TTBK1: variants seen among roughly 807,000 people sequenced by gnomAD.
TTBK1 encodes tau tubulin kinase 1, also known as tau-tubulin kinase 1.
A neutral mutation model predicts 108.5 loss-of-function variants in TTBK1; 34 were observed. That is an observed-to-expected ratio of 0.31 (90% confidence interval 0.24 to 0.42). The LOEUF (loss-of-function observed/expected upper bound fraction) is 0.42, where lower values mean the gene tolerates loss of function less well. TTBK1 is among the 10% of genes least tolerant of loss of function. TTBK1 has a pLI of 1.00. For synonymous variants in TTBK1, 809 were observed against 795.1 expected (o/e 1.02, Z -0.29); for missense variants, 1,539 against 1,826.0 (o/e 0.84, Z 2.86).
At chr6:43,261,738 C>CT (rs1381163503) in intron 12 of TTBK1, among the ~76,000 whole-genome samples, 1 of 148,138 alleles carries the variant, frequency 6.8e-6, no homozygotes, top group African/African-American at 2.5e-5. Context: ...TAGCTTGAAC[C>CT]TGGGGGGTGG....
At position 43,252,440 on chromosome 6, in the gene TTBK1, A is replaced by G. The variant is rs1373160903; in HGVS notation, c.109-299A>G. Among the ~76,000 whole-genome samples, 12 of 152,042 alleles carry G rather than the reference A, an allele frequency of 7.9e-5. No individual in the cohort carries two copies. In the South Asian group the frequency reaches 2.5e-3, roughly 32 times the overall value. ...CAGGAGTTTGAGACCAGCCTGGCCAACATGGTGAAACCCTGTCTCTACTAA... is the reference window on the plus strand; with the variant it reads ...CAGGAGTTTGAGACCAGCCTGGCCAGCATGGTGAAACCCTGTCTCTACTAA... On this transcript the variant is annotated intron_variant, in intron 2 of 14. Transcript: ENST00000259750.
chr6:43,255,896 C>T (rs775626073), intron 9 of TTBK1, 40 bp downstream of exon 9: 1 of 1,612,698 alleles, frequency 6.2e-7, no homozygotes, highest in Non-Finnish European at 8.5e-7. Context: ...CTCGACACCA[C>T]TCTGTGAGTG....
chr6:43,249,553 A>AT (rs1489776493), intron 2 of TTBK1, among the ~76,000 whole-genome samples: 1 of 151,464 alleles, frequency 6.6e-6, no homozygotes. Context: ...CTAAAGGTTC[A>AT]TTTTTTTCCC....
rs1293550428 is a variant in TTBK1 at position 43,253,374 on chromosome 6, C to A, written c.330+10C>A. 6.2e-7 allele frequency: 1 copy of A among 1,613,882 alleles called. No individual in the cohort carries two copies. Among genetic ancestry groups the A allele is most frequent in the Non-Finnish European group, 8.5e-7 (1 of 1,179,860 alleles). The stretch of plus-strand genomic sequence containing the variant: ...AGTGATGCAGCTCCAGGTGAGTCCC[C>A]GTGGCCCATCCTCGCTCCCCTCTCT... On this transcript the variant is annotated intron_variant, in intron 4 of 14. Transcript: ENST00000259750. The surrounding 1 kb of genome is among the most constrained non-coding windows in gnomAD (Gnocchi z 5.8).
chr6:43,268,867 A>C (rs1388827428), intron 13 of TTBK1, among the ~76,000 whole-genome samples: 1 of 152,200 alleles, frequency 6.6e-6, no homozygotes, highest in Non-Finnish European at 1.5e-5. Flanking sequence ...AGTGATTTAA[A>C]ATTAGATACT....
In TTBK1 at chr6:43,246,745, G is replaced by C; in HGVS notation, c.85G>C (p.Val29Leu). 1 of 1,612,034 alleles carries C rather than the reference G, an allele frequency of 6.2e-7. No individual in the cohort carries two copies. Among genetic ancestry groups the C allele is most frequent in the South Asian group, 1.1e-5 (1 of 90,836 alleles). Residue 29 changes from valine (V) to leucine (L), a missense_variant, in exon 2 of 15, where the codon GTG (valine) becomes CTG (leucine). By Grantham distance (32) the Val-to-Leu change is conservative (BLOSUM62 1). Around this residue, in one of 5 missense-constraint regions of TTBK1, gnomAD observed 45 missense variants for 38.0 expected, o/e 1.19. Transcript: ENST00000259750. Reference protein sequence around the residue: ...EQADILPANYVVKDRWKVLKK... With the variant: ...EQADILPANYLVKDRWKVLKK... Reference sequence around the variant, plus strand: ...GGCCGACATCCTGCCGGCCAACTACGTGGTCAAGGATCGCTGGAAGGTGGT... The same window carrying C: ...GGCCGACATCCTGCCGGCCAACTACCTGGTCAAGGATCGCTGGAAGGTGGT...
chr6:43,257,373 A>G lies in TTBK1; in HGVS notation c.862-439A>G, dbSNP rs1349609151. 1.3e-5 allele frequency among the ~76,000 whole-genome samples: 2 copies of G among 152,164 alleles called. No individual in the cohort carries two copies. Among genetic ancestry groups the G allele is most frequent in the Non-Finnish European group, 2.9e-5 (2 of 68,014 alleles). On this transcript the variant is annotated intron_variant, in intron 9 of 14. Coordinates refer to ENST00000259750, the MANE Select transcript of TTBK1 (RefSeq NM_032538.3). The surrounding 1 kb of genome is among the most constrained non-coding windows in gnomAD (Gnocchi z 4.5). ...GCACTGTGCCCTGTAGGGCAGCTGTATGGTGGAGAGAATTTACGGTGAAGA... is the reference window on the plus strand; with the variant it reads ...GCACTGTGCCCTGTAGGGCAGCTGTGTGGTGGAGAGAATTTACGGTGAAGA...
intron 13 of TTBK1, among the ~76,000 whole-genome samples, chr6:43,266,982 G>A (rs1389749266): frequency 1.3e-5 from 2 of 150,458 alleles, no homozygotes; most frequent in Admixed American, 6.7e-5. Flanking sequence ...CAGGATCAGA[G>A]AGAGCCTGGA....
At chr6:43,271,379 T>C in intron 13 of TTBK1, 2 of 985,414 alleles carry the variant, frequency 2.0e-6, no homozygotes, top group Non-Finnish European at 2.4e-6. Context: ...GCCATTTACA[T>C]AGACCTCAAT....
In TTBK1 at chr6:43,257,688, C is replaced by G. The variant is rs1777416812; in HGVS notation, c.862-124C>G. On this transcript the variant is annotated intron_variant, in intron 9 of 14. Coordinates refer to ENST00000259750, the MANE Select transcript of TTBK1 (RefSeq NM_032538.3). The surrounding 1 kb of genome is among the most constrained non-coding windows in gnomAD (Gnocchi z 4.5). ...ATGTGCCGTTCTCCTTCCAATGCCC[C>G]CTCCAGGCCCATTCCTGTCCTGGAA... The G allele has an allele frequency of 5.6e-6, 5 of 890,212 alleles. No individual in the cohort carries two copies. Among genetic ancestry groups the G allele is most frequent in the Non-Finnish European group, 8.6e-6 (5 of 580,308 alleles). 55.1% of individuals were successfully genotyped at this position (890,212 alleles called of 1,614,324 possible).
At chr6:43,284,393 T>TGAGGGGCTTCTCCAGAACCAAGGA in intron 14 of TTBK1, 81 bp downstream of exon 14, 3 of 1,457,776 alleles carry the variant, frequency 2.1e-6, no homozygotes, top group Non-Finnish European at 2.7e-6. Flanking sequence ...AGAACCAAGG[T>TGAGGGGCTTCTCCAGAACCAAGGA]CAGGGGCTAT....
chr6:43,271,530 C>T lies in TTBK1; in HGVS notation c.1986+8180C>T, dbSNP rs564213626. The stretch of plus-strand genomic sequence containing the variant: ...TCATCCCAGCTTCACTCTTCTACCC[C>T]TCTCTCCCTGTAACCTCTGCTTGGC... On this transcript the variant is annotated intron_variant, in intron 13 of 14. Coordinates refer to ENST00000259750, the MANE Select transcript of TTBK1 (RefSeq NM_032538.3). 3.5e-5 allele frequency: 34 copies of T among 985,352 alleles called. No homozygotes were observed. The African/African-American group carries it at 5.8e-4, about 17-fold the overall frequency. 61.0% of individuals were successfully genotyped at this position (985,352 alleles called of 1,614,324 possible). A position where few individuals can be genotyped will look rare whatever the true frequency, so the allele number is the denominator to read the frequency against.
At chr6:43,256,700 C>T (rs1204288688) in intron 9 of TTBK1, among the ~76,000 whole-genome samples, 2 of 152,136 alleles carry the variant, frequency 1.3e-5, no homozygotes, top group Non-Finnish European at 1.5e-5. Flanking sequence ...GATTAAACCA[C>T]AGCACTCCCG....
At position 43,283,431 on chromosome 6, in the gene TTBK1, C is replaced by T; in HGVS notation, c.2691C>T (p.Pro897=). The T allele has an allele frequency of 2.5e-6, 4 of 1,613,444 alleles. No individual in the cohort carries two copies. Among genetic ancestry groups the T allele is most frequent in the Non-Finnish European group, 3.4e-6 (4 of 1,179,734 alleles). The part of the protein sequence containing the change: ...LSSVLKSEPK[P]PGPGAGLGAG... ...CTGTCCTCAAGTCTGAGCCCAAGCC[C>T]CCGGGGCCTGGGGCAGGGCTGGGGG... The change falls in exon 14 of 15, where the codon CCC becomes CCT. Residue 897 remains proline, a synonymous_variant. Coordinates refer to ENST00000259750, the MANE Select transcript of TTBK1 (RefSeq NM_032538.3). This position sits in a 1 kb window ranked among gnomAD's most constrained non-coding sequence, Gnocchi z 8.1.
At position 43,253,617 on chromosome 6, in the gene TTBK1, C is replaced by T; in HGVS notation, c.380C>T (p.Thr127Met). The T allele has an allele frequency of 6.2e-7, 1 of 1,613,572 alleles. No individual in the cohort carries two copies. The highest frequency in any genetic ancestry group is 8.5e-7 in the Non-Finnish European group (1 of 1,179,924). The change falls in exon 5 of 15, where the codon ACG becomes ATG. Residue 127 changes from threonine to methionine, a missense_variant. Thr to Met is a moderately conservative substitution (Grantham distance 81, BLOSUM62 -1). Transcript: ENST00000259750. The surrounding 1 kb of genome is among the most constrained non-coding windows in gnomAD (Gnocchi z 5.8). ...LRRSQPRGTF[T>M]LSTTLRLGKQ... is the part of the protein sequence containing the mutation. The stretch of plus-strand genomic sequence containing the variant: ...CGTAGCCAGCCGCGAGGCACCTTCA[C>T]GCTGAGCACCACATTGCGGCTGGGC...
rs574492098 is a variant in TTBK1 at position 43,261,836 on chromosome 6, G to A, written c.1425-953G>A. On this transcript the variant is annotated intron_variant, in intron 12 of 14. Coordinates refer to ENST00000259750, the MANE Select transcript of TTBK1 (RefSeq NM_032538.3). Reference sequence around the variant, plus strand: ...AAAAAAAAAAAAAAAAAAAGATAACGACAGAAGAGATGTCCCAAGGCAGGA... The same window carrying A: ...AAAAAAAAAAAAAAAAAAAGATAACAACAGAAGAGATGTCCCAAGGCAGGA... Among the ~76,000 whole-genome samples the A allele has an allele frequency of 3.4e-5, 5 of 148,470 alleles. No individual in the cohort carries two copies. In the East Asian group the frequency reaches 8.0e-4, roughly 24 times the overall value.
At position 43,243,867 on chromosome 6, in the gene TTBK1, G is replaced by A. The variant is rs1469714893; in HGVS notation, c.-55+159G>A. ...GACGCTGGCCTACACCGCCTGGGCC[G>A]CGCCGAGGCCTGGAGCCGCTCCCTG... On this transcript the variant is annotated intron_variant, in intron 1 of 14. Transcript: ENST00000259750. This position sits in a 1 kb window ranked among gnomAD's most constrained non-coding sequence, Gnocchi z 5.5. Among the ~76,000 whole-genome samples, 1 of 152,050 alleles carries A rather than the reference G, an allele frequency of 6.6e-6. No individual in the cohort carries two copies. The highest frequency in any genetic ancestry group is 1.9e-4 in the East Asian group (1 of 5,186).
At chr6:43,268,809 T>C (rs1215894037) in intron 13 of TTBK1, among the ~76,000 whole-genome samples, 1 of 152,180 alleles carries the variant, frequency 6.6e-6, no homozygotes, top group Non-Finnish European at 1.5e-5. Flanking sequence ...AGAAATGACT[T>C]CAGTTTGCCC....
At chr6:43,261,997 G>T (rs561531502) in intron 12 of TTBK1, among the ~76,000 whole-genome samples, 1 of 152,226 alleles carries the variant, frequency 6.6e-6, no homozygotes, top group Non-Finnish European at 1.5e-5. Context: ...ACTAATCCTT[G>T]TAGGATGGGA....
Sources: allele counts gnomAD v4.1 joint callset (sites outside exome capture counted in the v4.1 genomes callset), GRCh38; gene constraint gnomAD v4.1.1; regional missense constraint gnomAD v4.1.1; non-coding constraint Gnocchi (gnomAD v3.1); transcripts MANE v1.5; gene names NCBI Gene and HGNC (gene_info 2026-07-23, HGNC 2026-07-21).